The following TMCO5A variants were observed in gnomAD, a reference collection of about 807,000 sequenced individuals.
TMCO5A encodes transmembrane and coiled-coil domain-containing protein 5A.
Under a neutral mutation model 42.3 loss-of-function variants are expected in TMCO5A, and 34 were observed. The ratio of observed to expected loss-of-function variants is 0.80; its 90% CI spans 0.61 to 1.07. The LOEUF (loss-of-function observed/expected upper bound fraction) is 1.07, where lower values mean the gene tolerates loss of function less well. TMCO5A is among the 50% of genes least tolerant of loss of function. The probability of loss-of-function intolerance (pLI) is 0.00; values close to 1 mark genes in which losing one functional copy is unlikely to be tolerated. For synonymous variants in TMCO5A, 131 were observed against 115.6 expected (o/e 1.13, Z -0.86); for missense variants, 357 against 327.9 (o/e 1.09, Z -0.69).
chr15:37,986,473 A>G, the TMCO5A span, among the ~76,000 whole-genome samples: 1 of 150,396 alleles, frequency 6.6e-6, no homozygotes, highest in Non-Finnish European at 1.5e-5. Flanking sequence ...GAAATTTTTC[A>G]TCTTAATAAT....
chr15:38,028,993 G>T, the TMCO5A span, among the ~76,000 whole-genome samples: 2 of 152,266 alleles, frequency 1.3e-5, no homozygotes, highest in Admixed American at 1.3e-4. Flanking sequence ...TATACTCAAT[G>T]GAACCTAAAG....
intron 11 of TMCO5A, among the ~76,000 whole-genome samples, chr15:37,961,109 C>A (rs757755170): frequency 3.3e-5 from 5 of 151,876 alleles, no homozygotes; most frequent in Non-Finnish European, 5.9e-5. Context: ...TCAGGAAATC[C>A]TTGCCTAAGC....
At chr15:38,002,848 C>G in the TMCO5A span, among the ~76,000 whole-genome samples, 1 of 152,098 alleles carries the variant, frequency 6.6e-6, no homozygotes, top group Non-Finnish European at 1.5e-5. Context: ...GTCTTTGGTA[C>G]TGGTCACAGG....
At chr15:37,960,097 G>A (rs747554125) in intron 11 of TMCO5A, among the ~76,000 whole-genome samples, 9 of 151,878 alleles carry the variant, frequency 5.9e-5, no homozygotes, top group Non-Finnish European at 1.2e-4. Context: ...AGATTCTGGT[G>A]CACCCATCAC....
the TMCO5A span, among the ~76,000 whole-genome samples, chr15:37,989,372 T>A: frequency 3.3e-5 from 5 of 152,016 alleles, no homozygotes; most frequent in African/African-American, 1.2e-4. Flanking sequence ...CTTTTTTTAC[T>A]TTCTTAAATT....
chr15:38,031,726 C>T, the TMCO5A span, among the ~76,000 whole-genome samples: 31 of 152,148 alleles, frequency 2.0e-4, no homozygotes, highest in Admixed American at 1.8e-3. Context: ...AAATCACCAG[C>T]TAAGCCACTC....
the TMCO5A span, among the ~76,000 whole-genome samples, chr15:37,976,764 G>GTT: frequency 7.0e-6 from 1 of 142,550 alleles, no homozygotes. Flanking sequence ...GATCAGTTTG[G>GTT]TTTCTTTCTT....
chr15:38,029,086 A>G, the TMCO5A span, among the ~76,000 whole-genome samples: 2 of 152,192 alleles, frequency 1.3e-5, no homozygotes, highest in Non-Finnish European at 2.9e-5. Context: ...CAAGGAGGAA[A>G]GAGAAGCAGA....
At chr15:37,978,301 A>C in the TMCO5A span, among the ~76,000 whole-genome samples, 9 of 152,204 alleles carry the variant, frequency 5.9e-5, no homozygotes, top group African/African-American at 2.2e-4. Context: ...CCCCAGTCCA[A>C]GAGGAACAAG....
chr15:38,036,827 C>G, the TMCO5A span, among the ~76,000 whole-genome samples: 205 of 152,212 alleles, frequency 1.3e-3, 2 homozygotes, highest in Middle Eastern at 0.017. Context: ...AGAAGCTCCT[C>G]CAGGTCAGGG....
At chr15:38,003,484 G>A in the TMCO5A span, among the ~76,000 whole-genome samples, 1 of 152,174 alleles carries the variant, frequency 6.6e-6, no homozygotes, top group Non-Finnish European at 1.5e-5. Flanking sequence ...AATGCAGTGA[G>A]TTATCCTTGG....
chr15:37,955,507 C>T (rs971935316), downstream of TMCO5A, among the ~76,000 whole-genome samples: 4 of 152,072 alleles, frequency 2.6e-5, no homozygotes, highest in African/African-American at 9.7e-5. Context: ...AAGGGCATCA[C>T]ATAATGGTAA....
chr15:37,983,113 T>C, the TMCO5A span, among the ~76,000 whole-genome samples: 1 of 152,264 alleles, frequency 6.6e-6, no homozygotes, highest in South Asian at 2.1e-4. Context: ...CATTCTTCCA[T>C]ATACATGCAA....
chr15:38,000,825 G>A, the TMCO5A span, among the ~76,000 whole-genome samples: 3 of 152,098 alleles, frequency 2.0e-5, no homozygotes, highest in Admixed American at 6.5e-5. Flanking sequence ...CATTCCTCTT[G>A]TTATTGATTT....
At chr15:37,939,380 G>C (rs1417164123) in intron 6 of TMCO5A, among the ~76,000 whole-genome samples, 1 of 152,124 alleles carries the variant, frequency 6.6e-6, no homozygotes, top group African/African-American at 2.4e-5. Context: ...TATCTGGAAA[G>C]AGAGAAATCA....
intron 5 of TMCO5A, among the ~76,000 whole-genome samples, 182 bp downstream of exon 5, chr15:37,937,578 T>G (rs931386039): frequency 2.6e-5 from 4 of 152,092 alleles, no homozygotes; most frequent in Non-Finnish European, 5.9e-5. Context: ...GTTAGGGATT[T>G]TCTCTGTAGG....
chr15:38,019,349 A>T, the TMCO5A span, among the ~76,000 whole-genome samples: 1 of 152,210 alleles, frequency 6.6e-6, no homozygotes, highest in African/African-American at 2.4e-5. Flanking sequence ...AAGGGAAGTA[A>T]AAGCTAACTA....
chr15:37,944,975 G>T (rs1284012865), intron 10 of TMCO5A, among the ~76,000 whole-genome samples: 1 of 151,836 alleles, frequency 6.6e-6, no homozygotes, highest in Non-Finnish European at 1.5e-5. Flanking sequence ...CATCACCTAG[G>T]TATTAAGCCC....
At chr15:37,969,257 T>C (rs1890629162), downstream of TMCO5A, among the ~76,000 whole-genome samples, 1 of 152,188 alleles carries the variant, frequency 6.6e-6, no homozygotes, top group Admixed American at 6.5e-5. Flanking sequence ...AAAAACATTT[T>C]CCATCCTAGA....
Sources: gnomAD v4.1 joint callset for allele counts (sites outside exome capture counted in the v4.1 genomes callset) on GRCh38, gnomAD v4.1.1 for gene constraint, MANE v1.5 for transcripts, NCBI Gene and HGNC (gene_info 2026-07-23, HGNC 2026-07-21) for gene names.